GRM1: variants seen among roughly 807,000 people sequenced by gnomAD.
The protein encoded by GRM1 is metabotropic glutamate receptor 1.
Under a neutral mutation model 90.9 loss-of-function variants are expected in GRM1, and 33 were observed. The ratio of observed to expected loss-of-function variants is 0.36; its 90% CI spans 0.28 to 0.49. The LOEUF (loss-of-function observed/expected upper bound fraction) is 0.49, where lower values mean the gene tolerates loss of function less well. Among genes scored for constraint, GRM1 ranks in the 20% least tolerant of loss-of-function variants. GRM1 has a pLI of 0.99. For synonymous variants in GRM1, 700 were observed against 613.2 expected, an observed-to-expected ratio of 1.14 and a Z score of -2.09; for missense variants, 1,190 against 1,534.3, an observed-to-expected ratio of 0.78 and a Z score of 3.75.
At chr6:146,352,071 C>T (rs915891768) in intron 3 of GRM1, among the ~76,000 whole-genome samples, 179 bp from the exon 4 acceptor site, 1 of 152,162 alleles carries the variant, frequency 6.6e-6, no homozygotes, top group African/African-American at 2.4e-5. Flanking sequence ...AAATCATTTG[C>T]AGGTGGAATC....
rs72225459 is a variant in GRM1 at position 146,159,604 on chromosome 6, TTCTCTCTCTCTCTCTCTC to T, written c.950+28_950+45del. ...AGTTCTCACTCATTGGAAGGTAAGT[TTCTCTCTCTCTCTCTCTC>T]TCTCTCTCTCTCTCTCTCTCACACA... On this transcript the variant is annotated splice_region_variant and intron_variant, in intron 2 of 7. Coordinates refer to ENST00000282753, the MANE Select transcript of GRM1 (RefSeq NM_001278064.2). 35 of 1,211,342 alleles carry T rather than the reference TTCTCTCTCTCTCTCTCTC, an allele frequency of 2.9e-5. No individual in the cohort carries two copies. The highest frequency in any genetic ancestry group is 1.5e-4 in the South Asian group (12 of 79,248). The allele number at this position is 1,211,342 out of a possible 1,614,324, so 75.0% of individuals were successfully genotyped here. A position where few individuals can be genotyped will look rare whatever the true frequency, so the allele number is the denominator to read the frequency against.
chr6:146,191,081 G>C (rs1171144555), intron 2 of GRM1, among the ~76,000 whole-genome samples: 1 of 152,144 alleles, frequency 6.6e-6, no homozygotes, highest in African/African-American at 2.4e-5. Context: ...TATCTCTGCT[G>C]TTTGGAAAGG....
intron 1 of GRM1, among the ~76,000 whole-genome samples, chr6:146,083,644 A>G (rs1477238910): frequency 6.6e-6 from 1 of 152,134 alleles, no homozygotes; most frequent in Non-Finnish European, 1.5e-5. Flanking sequence ...CCAGTATTTT[A>G]TTGAGGGTTT....
At chr6:146,086,384 A>G (rs1042311288) in intron 1 of GRM1, among the ~76,000 whole-genome samples, 6 of 152,080 alleles carry the variant, frequency 3.9e-5, no homozygotes, top group African/African-American at 7.2e-5. Flanking sequence ...TTTACAACAG[A>G]TTAGTGGAAA....
chr6:146,060,366 C>T (rs1317703544), intron 1 of GRM1, among the ~76,000 whole-genome samples: 1 of 151,826 alleles, frequency 6.6e-6, no homozygotes, highest in African/African-American at 2.4e-5. Flanking sequence ...AGGATAGTAC[C>T]CAACAGGTAG....
intron 2 of GRM1, among the ~76,000 whole-genome samples, chr6:146,303,923 G>A (rs1404866168): frequency 6.6e-6 from 1 of 152,156 alleles, no homozygotes; most frequent in Non-Finnish European, 1.5e-5. Context: ...GTTCTAGAAG[G>A]TGATCACATT....
At chr6:146,267,080 C>G (rs550026307) in intron 2 of GRM1, among the ~76,000 whole-genome samples, 1 of 152,246 alleles carries the variant, frequency 6.6e-6, no homozygotes, top group African/African-American at 2.4e-5. Context: ...TGTTATTCCC[C>G]CCATGTGTCC....
chr6:146,155,056 C>A (rs895861383), intron 1 of GRM1, among the ~76,000 whole-genome samples: 1 of 152,094 alleles, frequency 6.6e-6, no homozygotes, highest in South Asian at 2.1e-4. Flanking sequence ...ACAAATGCAC[C>A]TTTGCTGTGC....
chr6:146,291,211 A>T (rs763025722), intron 2 of GRM1, among the ~76,000 whole-genome samples: 10 of 151,866 alleles, frequency 6.6e-5, no homozygotes, highest in Non-Finnish European at 1.5e-4. Context: ...CAGCTTTTCA[A>T]TCTGATAAGT....
intron 2 of GRM1, 43 bp downstream of exon 2, chr6:146,159,640 C>A (rs771974421): frequency 7.1e-7 from 1 of 1,410,166 alleles, no homozygotes; most frequent in Non-Finnish European, 9.7e-7. Context: ...CTCTCTCTCT[C>A]TCACACACAC....
chr6:146,178,187 C>T (rs1159692024), intron 2 of GRM1, among the ~76,000 whole-genome samples: 1 of 152,140 alleles, frequency 6.6e-6, no homozygotes, highest in Non-Finnish European at 1.5e-5. Flanking sequence ...GACAGTTTCT[C>T]AGACTTTCCT....
intron 5 of GRM1, among the ~76,000 whole-genome samples, chr6:146,363,742 T>C (rs906741541): frequency 3.9e-5 from 6 of 152,256 alleles, no homozygotes; most frequent in African/African-American, 1.4e-4. Flanking sequence ...AAAACAACTT[T>C]AATAATGTGA....
Position 146,434,485 on chromosome 6 carries a change from C to T in GRM1, c.3274C>T (p.Pro1092Ser). 6 of 1,614,004 alleles carry T rather than the reference C, an allele frequency of 3.7e-6. No homozygotes were observed. The highest frequency in any genetic ancestry group is 5.1e-6 in the Non-Finnish European group (6 of 1,179,974). ...CACCTTTGGGGAGGAGCTGGTCTCC[C>T]CGCCCGCGGACGACGACGACGACAG... The part of the protein sequence containing the change: ...LSTFGEELVS[P>S]PADDDDDSER... The change falls in exon 8 of 8, where the codon CCG (proline) becomes TCG (serine). Residue 1092 changes from proline (P) to serine (S), a missense_variant. By Grantham distance (74) the Pro-to-Ser change is moderately conservative. Coordinates refer to ENST00000282753, the MANE Select transcript of GRM1 (RefSeq NM_001278064.2).
intron 2 of GRM1, among the ~76,000 whole-genome samples, chr6:146,268,254 C>A (rs973269787): frequency 6.6e-6 from 1 of 152,182 alleles, no homozygotes; most frequent in African/African-American, 2.4e-5. Flanking sequence ...GTTAAGCCCC[C>A]GACCTACAGT....
chr6:146,294,467 T>C (rs1457851449), intron 2 of GRM1, among the ~76,000 whole-genome samples: 2 of 152,092 alleles, frequency 1.3e-5, no homozygotes, highest in Non-Finnish European at 2.9e-5. Flanking sequence ...TTAAAATATG[T>C]TGAGACTTAC....
chr6:146,238,719 C>G (rs1780741350), intron 2 of GRM1, among the ~76,000 whole-genome samples: 1 of 152,046 alleles, frequency 6.6e-6, no homozygotes, highest in Non-Finnish European at 1.5e-5. Flanking sequence ...AGTGGTACAG[C>G]TGTGCTTGGG....
chr6:146,400,374 AAT>A (rs1356781877), intron 7 of GRM1, among the ~76,000 whole-genome samples: 1 of 152,192 alleles, frequency 6.6e-6, no homozygotes. Flanking sequence ...TCATGATCAG[AAT>A]AGTTTCTTAG....
At chr6:146,132,510 G>A (rs1776443462) in intron 1 of GRM1, among the ~76,000 whole-genome samples, 1 of 152,134 alleles carries the variant, frequency 6.6e-6, no homozygotes, top group Non-Finnish European at 1.5e-5. Flanking sequence ...CACATGCACA[G>A]GTGTGCATGT....
intron 5 of GRM1, among the ~76,000 whole-genome samples, chr6:146,375,490 G>T (rs1218230044): frequency 6.6e-6 from 1 of 151,896 alleles, no homozygotes; most frequent in Non-Finnish European, 1.5e-5. Context: ...CTGACAGTGG[G>T]TTGTTGAAAT....
Sources: gnomAD v4.1 joint callset for allele counts (sites outside exome capture counted in the v4.1 genomes callset) on GRCh38, gnomAD v4.1.1 for gene constraint, MANE v1.5 for transcripts, NCBI Gene and HGNC (gene_info 2026-07-23, HGNC 2026-07-21) for gene names.